The following MTMR10 variants were observed in gnomAD, a reference collection of about 807,000 sequenced individuals.
The protein encoded by MTMR10 is myotubularin related protein 10, also known as myotubularin-related protein 10.
A neutral mutation model predicts 88.1 loss-of-function variants in MTMR10; 56 were observed. That is an observed-to-expected ratio of 0.64 (90% CI 0.51 to 0.79). MTMR10 has a LOEUF of 0.79. Ranked by LOEUF, MTMR10 falls within the 30% of genes least tolerant of loss-of-function variation. The probability of loss-of-function intolerance (pLI) is 0.00; values close to 1 mark genes in which losing one functional copy is unlikely to be tolerated. For missense variants in MTMR10, 883 were observed against 924.7 expected (o/e 0.95, Z 0.58); for synonymous variants, 380 against 340.9 (o/e 1.11, Z -1.26).
the MTMR10 span, chr15:30,922,116 T>C: frequency 1.5e-6 from 2 of 1,307,392 alleles, no homozygotes; most frequent in East Asian, 2.3e-5. Context: ...CTTGGCCTCA[T>C]TGTAGAATGG....
intron 4 of MTMR10, 139 bp from the exon 5 acceptor site, chr15:30,974,595 G>A: frequency 8.2e-6 from 7 of 849,978 alleles, no homozygotes; most frequent in Non-Finnish European, 1.1e-5. Context: ...TTTCATACTT[G>A]TAATTCCTAG....
At chr15:30,982,964 G>A (rs527864913) in intron 2 of MTMR10, among the ~76,000 whole-genome samples, 6 of 152,334 alleles carry the variant, frequency 3.9e-5, no homozygotes, top group African/African-American at 1.2e-4. Context: ...ATAAAAAGAA[G>A]GTACTGAGAC....
At chr15:30,930,660 C>T in the MTMR10 span, 14 of 1,612,402 alleles carry the variant, frequency 8.7e-6, no homozygotes, top group African/African-American at 2.7e-5. Context: ...CTCCCAGAGC[C>T]GTCACTTTAA....
chr15:30,956,714 A>G (rs1459596674), intron 9 of MTMR10, among the ~76,000 whole-genome samples: 1 of 152,256 alleles, frequency 6.6e-6, no homozygotes, highest in African/African-American at 2.4e-5. Context: ...AGAATAGGAT[A>G]GCTGAAAACA....
rs763821711 is a variant in MTMR10, at chr15:30,991,512, C to T, written c.-6G>A. 2 of 1,531,684 alleles carry T rather than the reference C, an allele frequency of 1.3e-6. No individual in the cohort carries two copies. Among genetic ancestry groups the T allele is most frequent in the African/African-American group, 2.9e-5 (2 of 68,992 alleles). The allele number at this position is 1,531,684 out of a possible 1,614,324, so 94.9% of individuals were successfully genotyped here. ...GGCGGCTTGAGGGAGAACATGGTGC[C>T]GCCGCCTTTTCGCCCCGTTCCCGTC... On this transcript the variant is annotated 5_prime_UTR_variant, in exon 1 of 16. Coordinates refer to ENST00000435680, the MANE Select transcript of MTMR10 (RefSeq NM_017762.3).
intron 2 of MTMR10, among the ~76,000 whole-genome samples, chr15:30,990,502 T>C (rs1422479539): frequency 6.6e-6 from 1 of 152,208 alleles, no homozygotes; most frequent in Non-Finnish European, 1.5e-5. Context: ...GATTAATCAT[T>C]AATGCAATAA....
At chr15:30,967,559 T>C (rs1159219922) in intron 6 of MTMR10, among the ~76,000 whole-genome samples, 1 of 152,228 alleles carries the variant, frequency 6.6e-6, no homozygotes, top group Non-Finnish European at 1.5e-5. Context: ...ATGCTTTTAA[T>C]ATATCTTTTA....
chr15:30,982,484 A>G (rs1444582529), intron 2 of MTMR10, among the ~76,000 whole-genome samples: 1 of 152,128 alleles, frequency 6.6e-6, no homozygotes, highest in Non-Finnish European at 1.5e-5. Flanking sequence ...CATTAACAAC[A>G]GCCAAAAAAA....
the MTMR10 span, among the ~76,000 whole-genome samples, chr15:30,929,584 TTA>T: frequency 4.5e-5 from 6 of 133,304 alleles, no homozygotes; most frequent in South Asian, 8.7e-4. Context: ...ATTTATTATA[TTA>T]TATATTATAT....
At chr15:30,934,169 G>C (rs112005142), downstream of MTMR10, among the ~76,000 whole-genome samples, 3,776 of 152,172 alleles carry the variant, frequency 0.025, 72 homozygotes, top group Non-Finnish European at 0.038. Context: ...ATTATGCAGT[G>C]ACCCCCCCTT....
At chr15:30,919,904 C>T in the MTMR10 span, among the ~76,000 whole-genome samples, 1 of 151,882 alleles carries the variant, frequency 6.6e-6, no homozygotes, top group Non-Finnish European at 1.5e-5. Flanking sequence ...CAGTTTAAAC[C>T]CATGTTGTCC....
chr15:30,930,601 C>G, the MTMR10 span: 1 of 1,612,904 alleles, frequency 6.2e-7, no homozygotes, highest in Non-Finnish European at 8.5e-7. Flanking sequence ...CACCTGGCTG[C>G]TGACTTTCGA....
Position 30,976,799 on chromosome 15 carries a change from A to G in MTMR10, c.258+20T>C, listed in dbSNP as rs1398041850. The G allele has an allele frequency of 3.1e-6, 5 of 1,605,070 alleles. No homozygotes were observed. In the Admixed American group the frequency reaches 5.2e-5, roughly 17 times the overall value. On this transcript the variant is annotated intron_variant, in intron 3 of 15. Coordinates refer to ENST00000435680, the MANE Select transcript of MTMR10 (RefSeq NM_017762.3). ...AGTTGAAAGCCTGATAGAATGAAAC[A>G]GTGTACTAATAAAACACACCTGTAA...
the MTMR10 span, chr15:30,925,282 T>A: frequency 3.1e-6 from 5 of 1,613,980 alleles, no homozygotes; most frequent in Non-Finnish European, 4.2e-6. Flanking sequence ...CTGTGCAAGA[T>A]GTGAAACACG....
At chr15:30,935,344 TG>T (rs1448026278), downstream of MTMR10, among the ~76,000 whole-genome samples, 9 of 152,014 alleles carry the variant, frequency 5.9e-5, no homozygotes, top group African/African-American at 1.9e-4. Flanking sequence ...AAAATTTCCA[TG>T]TCTAGAAGTT....
At chr15:30,950,776 AG>A (rs2063233554) in intron 12 of MTMR10, among the ~76,000 whole-genome samples, 1 of 152,168 alleles carries the variant, frequency 6.6e-6, no homozygotes, top group Non-Finnish European at 1.5e-5. Context: ...AACTCATTCC[AG>A]GGCCTCCTTT....
intron 2 of MTMR10, among the ~76,000 whole-genome samples, chr15:30,990,493 A>T (rs936926479): frequency 4.6e-5 from 7 of 152,226 alleles, no homozygotes; most frequent in African/African-American, 1.7e-4. Flanking sequence ...CATTAAAATG[A>T]TTAATCATTA....
intron 7 of MTMR10, among the ~76,000 whole-genome samples, chr15:30,959,387 T>C (rs181535072): frequency 2.0e-5 from 3 of 152,344 alleles, no homozygotes; most frequent in East Asian, 3.9e-4. Context: ...AGAATGACTA[T>C]TAAACATGTA....
the MTMR10 span, chr15:30,929,496 G>T: frequency 4.2e-6 from 3 of 711,112 alleles, no homozygotes; most frequent in Non-Finnish European, 6.9e-6. Context: ...GTGTGTATAT[G>T]TAAATACATG....
Sources: gnomAD v4.1 joint callset for allele counts (sites outside exome capture counted in the v4.1 genomes callset) on GRCh38, gnomAD v4.1.1 for gene constraint, MANE v1.5 for transcripts, NCBI Gene and HGNC (gene_info 2026-07-23, HGNC 2026-07-21) for gene names.